Variants in DRC7 observed in about 807,000 individuals in gnomAD.
DRC7 encodes the protein dynein regulatory complex subunit 7.
A neutral mutation model predicts 104.4 loss-of-function variants in DRC7; 80 were observed. The ratio of observed to expected loss-of-function variants is 0.77; its 90% CI spans 0.64 to 0.92. The LOEUF (loss-of-function observed/expected upper bound fraction) is 0.92, where lower values mean the gene tolerates loss of function less well. Among genes scored for constraint, DRC7 ranks in the 40% least tolerant of loss-of-function variants. The pLI, the probability that DRC7 is intolerant of heterozygous loss-of-function variation, is 0.00. For synonymous variants in DRC7, 405 were observed against 447.3 expected (o/e 0.91, Z 1.19); for missense variants, 1,034 against 1,141.1 (o/e 0.91, Z 1.35).
chr16:57,711,229 T>G (rs760215040), intron 8 of DRC7, among the ~76,000 whole-genome samples: 2 of 152,256 alleles, frequency 1.3e-5, no homozygotes, highest in African/African-American at 2.4e-5. Flanking sequence ...GTTTTCAAAT[T>G]TATTGTTATG....
At chr16:57,705,107 AG>A in intron 7 of DRC7, 73 bp downstream of exon 7, 1 of 1,498,088 alleles carries the variant, frequency 6.7e-7, no homozygotes. Flanking sequence ...AAAGAGGCAT[AG>A]GTCATGGAGG....
intron 7 of DRC7, among the ~76,000 whole-genome samples, chr16:57,705,935 C>A (rs62651202): frequency 0.024 from 3,369 of 143,002 alleles, 207 homozygotes; most frequent in East Asian, 0.17. Context: ...TCCATCCTCT[C>A]ATCCATCCAT....
chr16:57,717,007 A>C (rs1368556271), intron 8 of DRC7, among the ~76,000 whole-genome samples: 1 of 151,740 alleles, frequency 6.6e-6, no homozygotes, highest in African/African-American at 2.4e-5. Context: ...AAATGCAAAA[A>C]TTAGCTGGGC....
intron 8 of DRC7, among the ~76,000 whole-genome samples, chr16:57,708,272 C>T (rs1254006940): frequency 1.3e-5 from 2 of 152,166 alleles, no homozygotes; most frequent in Non-Finnish European, 2.9e-5. Flanking sequence ...ACCAACCCTA[C>T]CATCGTCCCC....
At chr16:57,729,642 A>G (rs1173087503) in intron 17 of DRC7, among the ~76,000 whole-genome samples, 1 of 19,506 alleles carries the variant, frequency 5.1e-5, no homozygotes, top group Non-Finnish European at 8.6e-5. Context: ...GAGTGGGTGG[A>G]TGGGGTGGGT....
Position 57,728,587 on chromosome 16 carries a change from G to A in DRC7, c.2391+3G>A. The stretch of plus-strand genomic sequence containing the variant: ...TCATCCAGGCCCGCTTTGAGAAGGT[G>A]CCACCAGGGCCTTTGTTGGGGAGGG... On this transcript the variant is annotated splice_donor_region_variant and intron_variant, in intron 17 of 18. Coordinates refer to ENST00000360716, the MANE Select transcript of DRC7 (RefSeq NM_001289162.2). 6.3e-7 allele frequency: 1 copy of A among 1,575,280 alleles called. No homozygotes were observed. The highest frequency in any genetic ancestry group is 8.6e-7 in the Non-Finnish European group (1 of 1,156,704).
chr16:57,729,534 G>A (rs1277704329), intron 17 of DRC7, among the ~76,000 whole-genome samples: 5 of 100,218 alleles, frequency 5.0e-5, no homozygotes, highest in Non-Finnish European at 8.2e-5. Flanking sequence ...GGATGGATGG[G>A]TGAGTGAGTG....
At chr16:57,697,783 G>A (rs1309509575) in intron 2 of DRC7, 130 bp from the exon 3 acceptor site, 2 of 969,882 alleles carry the variant, frequency 2.1e-6, no homozygotes, top group East Asian at 2.4e-5. Context: ...GTCAAAGAGG[G>A]AATCACTCCC....
At chr16:57,711,172 G>C (rs1315471224) in intron 8 of DRC7, among the ~76,000 whole-genome samples, 1 of 152,218 alleles carries the variant, frequency 6.6e-6, no homozygotes, top group Non-Finnish European at 1.5e-5. Context: ...CTGTTTTTGA[G>C]TGAGGTTTGG....
intron 7 of DRC7, among the ~76,000 whole-genome samples, 184 bp downstream of exon 7, chr16:57,705,218 C>T (rs1286853200): frequency 6.6e-6 from 1 of 152,104 alleles, no homozygotes; most frequent in Non-Finnish European, 1.5e-5. Context: ...GCCAGCTTCT[C>T]ATGATGGACT....
chr16:57,728,838 A>C (rs1331155597), intron 17 of DRC7, among the ~76,000 whole-genome samples: 3 of 136,510 alleles, frequency 2.2e-5, no homozygotes, highest in Non-Finnish European at 4.7e-5. Flanking sequence ...GGATGGATGG[A>C]TAGATGGGTG....
intron 2 of DRC7, 41 bp from the exon 3 acceptor site, chr16:57,697,872 G>A: frequency 1.3e-6 from 2 of 1,544,520 alleles, no homozygotes; most frequent in Non-Finnish European, 8.7e-7. Flanking sequence ...TCCTGCCTGG[G>A]CTGACAGTCG....
intron 1 of DRC7, among the ~76,000 whole-genome samples, chr16:57,696,048 G>A (rs1195793197): frequency 6.6e-6 from 1 of 152,108 alleles, no homozygotes; most frequent in Admixed American, 6.5e-5. Flanking sequence ...CTTACTACTC[G>A]CCCCCTTTGT....
chr16:57,723,618 C>T lies in DRC7; in HGVS notation c.1537+488C>T, dbSNP rs142284540. ...TGGCATGTGCTTGTAATCCCAGCTA[C>T]TCAGGAGACTAAGGCAGGAGAATCA... On this transcript the variant is annotated intron_variant, in intron 12 of 18. Transcript: ENST00000360716. Among the ~76,000 whole-genome samples, 507 of 152,062 alleles carry T rather than the reference C, an allele frequency of 3.3e-3. 5 individuals are homozygous for T. Among genetic ancestry groups the T allele is most frequent in the African/African-American group, 0.012 (485 of 41,464 alleles).
chr16:57,707,691 G>T lies in DRC7; in HGVS notation c.1077+13G>T, dbSNP rs754418280. ...GAACTGCTGCAAGGTGCCTAGGGAG[G>T]GGGAGCTGGGTGGGTGTGGCAGGCA... On this transcript the variant is annotated intron_variant, in intron 8 of 18. Coordinates refer to ENST00000360716, the MANE Select transcript of DRC7 (RefSeq NM_001289162.2). The T allele has an allele frequency of 6.2e-7, 1 of 1,610,676 alleles. No individual in the cohort carries two copies. The highest frequency in any genetic ancestry group is 8.5e-7 in the Non-Finnish European group (1 of 1,178,426).
chr16:57,722,185 C>T (rs1360021254), intron 10 of DRC7, among the ~76,000 whole-genome samples: 2 of 152,152 alleles, frequency 1.3e-5, no homozygotes, highest in African/African-American at 2.4e-5. Flanking sequence ...CTAGGGAGCA[C>T]CCAGACCTAT....
intron 8 of DRC7, among the ~76,000 whole-genome samples, chr16:57,717,528 A>T (rs2048857324): frequency 6.6e-6 from 1 of 151,632 alleles, no homozygotes; most frequent in Admixed American, 6.6e-5. Context: ...GTGAAACCCC[A>T]TCTCTACTAA....
intron 6 of DRC7, among the ~76,000 whole-genome samples, chr16:57,703,521 C>G (rs2048680973): frequency 1.3e-5 from 2 of 152,100 alleles, no homozygotes; most frequent in Admixed American, 1.3e-4. Flanking sequence ...CTGGGTTATA[C>G]CTGGGTGAGC....
At chr16:57,705,724 A>C in intron 7 of DRC7, among the ~76,000 whole-genome samples, 3 of 89,832 alleles carry the variant, frequency 3.3e-5, no homozygotes, top group African/African-American at 9.2e-5. Flanking sequence ...CCTCCCATCC[A>C]TCCATCCTCC....
Sources: allele counts gnomAD v4.1 joint callset (sites outside exome capture counted in the v4.1 genomes callset), GRCh38; gene constraint gnomAD v4.1.1; transcripts MANE v1.5; gene names NCBI Gene and HGNC (gene_info 2026-07-23, HGNC 2026-07-21).